The following EFCAB6 variants were observed in gnomAD, a reference collection of about 807,000 sequenced individuals.
EFCAB6 encodes the protein EF-hand calcium binding domain 6.
A neutral mutation model predicts 169.8 loss-of-function variants in EFCAB6; 156 were observed. The observed-to-expected ratio is 0.92, with a 90% CI of 0.81 to 1.05. EFCAB6 has a LOEUF of 1.05. Among genes scored for constraint, EFCAB6 ranks in the 50% least tolerant of loss-of-function variants. The probability of loss-of-function intolerance (pLI) is 0.00; values close to 1 mark genes in which losing one functional copy is unlikely to be tolerated. For synonymous variants in EFCAB6, 698 were observed against 676.4 expected (o/e 1.03, Z -0.50); for missense variants, 1,800 against 1,829.1 (o/e 0.98, Z 0.29).
At chr22:43,800,758 C>A (rs1048781270) in intron 2 of EFCAB6, among the ~76,000 whole-genome samples, 1 of 151,696 alleles carries the variant, frequency 6.6e-6, no homozygotes, top group African/African-American at 2.4e-5. Context: ...AACTTGAAGA[C>A]AGACTATTTG....
chr22:43,672,436 A>G, intron 13 of EFCAB6, 131 bp from the exon 14 acceptor site: 1 of 885,168 alleles, frequency 1.1e-6, no homozygotes, highest in Non-Finnish European at 1.7e-6. Flanking sequence ...GACCTTGAAC[A>G]ACGGAGCTTG....
intron 22 of EFCAB6, 135 bp downstream of exon 22, chr22:43,608,347 T>G: frequency 4.2e-6 from 3 of 714,534 alleles, no homozygotes; most frequent in Non-Finnish European, 7.0e-6. Flanking sequence ...ACACAGGAGA[T>G]GAGACAGATG....
chr22:43,657,474 C>A (rs739076), intron 17 of EFCAB6, among the ~76,000 whole-genome samples: 1 of 144,834 alleles, frequency 6.9e-6, no homozygotes, highest in Non-Finnish European at 1.5e-5. Flanking sequence ...AAATTAAATA[C>A]ATTTTAAAAA....
rs777858239 is a variant in EFCAB6, at chr22:43,534,641, C to T, written c.4233+47G>A. On this transcript the variant is annotated intron_variant, in intron 30 of 31. Transcript: ENST00000262726. ...GTCTTGAAAAAAATAAAAATGAAAGCGCCCCTTTCCACCTGGCCCCACATT... is the reference window on the plus strand; with the variant it reads ...GTCTTGAAAAAAATAAAAATGAAAGTGCCCCTTTCCACCTGGCCCCACATT... 1.8e-5 allele frequency: 28 copies of T among 1,527,468 alleles called. No individual in the cohort carries two copies. The East Asian group carries it at 4.4e-4, about 24-fold the overall frequency. 94.6% of individuals were successfully genotyped at this position (1,527,468 alleles called of 1,614,324 possible). A position where few individuals can be genotyped will look rare whatever the true frequency, so the allele number is the denominator to read the frequency against.
chr22:43,537,422 TCTC>T lies in EFCAB6; in HGVS notation c.4000_4002del (p.Glu1334del), dbSNP rs1400007126. On this transcript the variant is annotated inframe_deletion, in exon 29 of 32. Coordinates refer to ENST00000262726, the MANE Select transcript of EFCAB6 (RefSeq NM_022785.4). The surrounding 1 kb of genome is among the most constrained non-coding windows in gnomAD (Gnocchi z 4.3). ...ATGTCCCCCTGTCTGGCCACGTCCT[TCTC>T]CTTGCATTCTTTCAGGAGCTGGCGC... 1.2e-6 allele frequency: 2 copies of T among 1,614,050 alleles called. No individual in the cohort carries two copies. The highest frequency in any genetic ancestry group is 2.2e-5 in the East Asian group (1 of 44,862).
chr22:43,760,980 G>A (rs1316796352), intron 5 of EFCAB6, among the ~76,000 whole-genome samples: 1 of 152,178 alleles, frequency 6.6e-6, no homozygotes, highest in African/African-American at 2.4e-5. Flanking sequence ...CTGTAACATG[G>A]GTAAGCCTTA....
rs2147218792 is a variant in EFCAB6, at chr22:43,572,173, T to C, written c.3420+4124A>G. On this transcript the variant is annotated intron_variant, in intron 26 of 31. Transcript: ENST00000262726. The surrounding 1 kb of genome is among the most constrained non-coding windows in gnomAD (Gnocchi z 4.0). ...TTTCTCCTCTTCACTCTTGCTGCAATTTTCTCATGAGGATGTTGAGCAGGT... is the reference window on the plus strand; with the variant it reads ...TTTCTCCTCTTCACTCTTGCTGCAACTTTCTCATGAGGATGTTGAGCAGGT... Among the ~76,000 whole-genome samples, 1 of 152,288 alleles carries C rather than the reference T, an allele frequency of 6.6e-6. No individual in the cohort carries two copies. The highest frequency in any genetic ancestry group is 1.5e-5 in the Non-Finnish European group (1 of 68,018).
chr22:43,737,463 C>A (rs2060185947), intron 6 of EFCAB6, among the ~76,000 whole-genome samples: 1 of 146,218 alleles, frequency 6.8e-6, no homozygotes, highest in African/African-American at 2.5e-5. Context: ...TACACACACA[C>A]CCCTGTGCAT....
chr22:43,585,471 G>C (rs2051001753), intron 24 of EFCAB6, among the ~76,000 whole-genome samples: 1 of 152,230 alleles, frequency 6.6e-6, no homozygotes, highest in Non-Finnish European at 1.5e-5. Context: ...GATATCCAAA[G>C]ACTGGGAAAA....
In EFCAB6 at chr22:43,623,908, CA is replaced by C. The variant is rs59667895; in HGVS notation, c.2465+2538del. On this transcript the variant is annotated intron_variant, in intron 20 of 31. Coordinates refer to ENST00000262726, the MANE Select transcript of EFCAB6 (RefSeq NM_022785.4). ...TGGGTGACAGAGCGAGACTCCTTCT[CA>C]AAAAAAAAAAAAAGAAAAAAAAGAA... is the stretch of plus-strand genomic sequence containing the variant. Among the ~76,000 whole-genome samples, 78 of 94,792 alleles carry C rather than the reference CA, an allele frequency of 8.2e-4. 1 individual carries two copies. Among genetic ancestry groups the C allele is most frequent in the Non-Finnish European group, 9.1e-4 (43 of 47,364 alleles). The allele number at this position is 94,792 out of a possible 152,430, so 62.2% of individuals were successfully genotyped here. A position where few individuals can be genotyped will look rare whatever the true frequency, so the allele number is the denominator to read the frequency against.
chr22:43,602,401 C>G (rs1192728879), intron 22 of EFCAB6, among the ~76,000 whole-genome samples: 1 of 152,232 alleles, frequency 6.6e-6, no homozygotes, highest in Non-Finnish European at 1.5e-5. Flanking sequence ...GCAGCACCAT[C>G]AGGGGCAAGC....
chr22:43,652,864 T>C (rs1173272659), intron 17 of EFCAB6, among the ~76,000 whole-genome samples: 2 of 151,332 alleles, frequency 1.3e-5, no homozygotes, highest in East Asian at 3.9e-4. Context: ...CGGAGTATAT[T>C]GAGACAAAAG....
At chr22:43,735,147 A>T (rs2060085340) in intron 7 of EFCAB6, among the ~76,000 whole-genome samples, 1 of 152,192 alleles carries the variant, frequency 6.6e-6, no homozygotes, top group Admixed American at 6.5e-5. Flanking sequence ...GTAGTCACAG[A>T]AGCCAAACAT....
chr22:43,675,392 T>C (rs1287091557), intron 13 of EFCAB6, among the ~76,000 whole-genome samples: 1 of 112,562 alleles, frequency 8.9e-6, no homozygotes, highest in Non-Finnish European at 1.8e-5. Context: ...TATACTATAA[T>C]ATATAATATA....
At chr22:43,557,072 C>G (rs12170168) in intron 26 of EFCAB6, among the ~76,000 whole-genome samples, 5 of 152,066 alleles carry the variant, frequency 3.3e-5, no homozygotes, top group Non-Finnish European at 7.4e-5. Flanking sequence ...CAGGGCCTCA[C>G]GTAAACATTA....
At chr22:43,784,476 C>A (rs1454574672) in intron 2 of EFCAB6, among the ~76,000 whole-genome samples, 1 of 130,018 alleles carries the variant, frequency 7.7e-6, no homozygotes, top group African/African-American at 2.8e-5. Context: ...CAGAGCAAGG[C>A]CCTGTCTCTA....
At chr22:43,637,284 C>T (rs1174760744) in intron 17 of EFCAB6, among the ~76,000 whole-genome samples, 1 of 152,220 alleles carries the variant, frequency 6.6e-6, no homozygotes, top group Non-Finnish European at 1.5e-5. Context: ...CTCTTGGCTG[C>T]AGTCTGGACG....
chr22:43,625,415 A>G (rs970036448), intron 20 of EFCAB6, among the ~76,000 whole-genome samples: 2 of 152,242 alleles, frequency 1.3e-5, no homozygotes, highest in Non-Finnish European at 2.9e-5. Context: ...TAATTGGTCA[A>G]GGAGGAGATG....
chr22:43,534,138 A>C (rs2047247013), intron 30 of EFCAB6, among the ~76,000 whole-genome samples: 1 of 152,186 alleles, frequency 6.6e-6, no homozygotes, highest in African/African-American at 2.4e-5. Flanking sequence ...TGTAATCACC[A>C]GTTGTCAAGG....
Sources: allele counts gnomAD v4.1 joint callset (sites outside exome capture counted in the v4.1 genomes callset), GRCh38; gene constraint gnomAD v4.1.1; non-coding constraint Gnocchi (gnomAD v3.1); transcripts MANE v1.5; gene names NCBI Gene and HGNC (gene_info 2026-07-23, HGNC 2026-07-21).